The following CRB1 variants were observed in gnomAD, a reference collection of about 807,000 sequenced individuals.
The protein encoded by CRB1 is protein crumbs homolog 1.
In CRB1, 83 loss-of-function variants were observed where a neutral mutation model predicts 120.0. The observed-to-expected ratio is 0.69, with a 90% CI of 0.58 to 0.83. The LOEUF is 0.83. CRB1 is among the 40% of genes least tolerant of loss of function. CRB1 has a pLI of 0.00. For synonymous variants in CRB1, 625 were observed against 612.5 expected, an observed-to-expected ratio of 1.02 and a Z score of -0.30; for missense variants, 1,699 against 1,687.6, an observed-to-expected ratio of 1.01 and a Z score of -0.12.
At chr1:197,413,519 G>C (rs1241165296) in intron 5 of CRB1, among the ~76,000 whole-genome samples, 1 of 152,126 alleles carries the variant, frequency 6.6e-6, no homozygotes, top group South Asian at 2.1e-4. Context: ...AACAAAAACA[G>C]CATTTCCTTT....
intron 1 of CRB1, among the ~76,000 whole-genome samples, chr1:197,297,022 A>C (rs779305453): frequency 6.6e-5 from 10 of 151,876 alleles, no homozygotes; most frequent in Non-Finnish European, 1.0e-4. Flanking sequence ...TCCTTGATTG[A>C]CTTCCTCTCT....
chr1:197,228,844 A>G, the CRB1 span, among the ~76,000 whole-genome samples: 1 of 152,222 alleles, frequency 6.6e-6, no homozygotes, highest in African/African-American at 2.4e-5. Flanking sequence ...AGGCCTCAGA[A>G]TCATGGCGAG....
At chr1:197,477,179 T>A (rs1336303033) in intron 11 of CRB1, among the ~76,000 whole-genome samples, 4 of 152,188 alleles carry the variant, frequency 2.6e-5, no homozygotes, top group Non-Finnish European at 5.9e-5. Context: ...CTCCTCTGTG[T>A]CAAGAATTTT....
At position 197,421,397 on chromosome 1, in the gene CRB1, A is replaced by G; in HGVS notation, c.1569A>G (p.Leu523=). ...AGACTGTTCAGCCAATGGCTCTTCT[A>G]CTTTTCCGAAGCAACAGGGATGTGT... ...RFQTVQPMAL[L]LFRSNRDVFV... Residue 523 remains leucine, a synonymous_variant, in exon 6 of 12, where the codon CTA becomes CTG. Coordinates refer to ENST00000367400, the MANE Select transcript of CRB1 (RefSeq NM_201253.3). 6.2e-7 allele frequency: 1 copy of G among 1,614,174 alleles called. No homozygotes were observed. The highest frequency in any genetic ancestry group is 8.5e-7 in the Non-Finnish European group (1 of 1,180,040).
intron 10 of CRB1, chr1:197,441,659 C>CTTTTTTTTTTTTTTTTTTTTTTTT (rs5779872): frequency 5.9e-5 from 4 of 68,214 alleles, no homozygotes; most frequent in African/African-American, 1.7e-4. Context: ...TTCCCTCCTT[C>CTTTTTTTTTTTTTTTTTTTTTTTT]TTTTTTTTTT....
chr1:197,357,319 T>C (rs1443177294), intron 5 of CRB1: 1 of 416,862 alleles, frequency 2.4e-6, no homozygotes, highest in Non-Finnish European at 4.4e-6. Flanking sequence ...GAAATTTTTA[T>C]GCTATCAAAT....
intron 5 of CRB1, among the ~76,000 whole-genome samples, chr1:197,408,145 C>G (rs573840952): frequency 1.2e-4 from 18 of 152,058 alleles, no homozygotes; most frequent in Non-Finnish European, 2.2e-4. Context: ...ATACAATGTA[C>G]TCTGTGCTGG....
intron 5 of CRB1, among the ~76,000 whole-genome samples, chr1:197,360,014 C>A (rs1660691368): frequency 6.6e-6 from 1 of 151,884 alleles, no homozygotes; most frequent in Non-Finnish European, 1.5e-5. Context: ...GAGGTTATAC[C>A]TAAGTATTTC....
intron 1 of CRB1, 132 bp downstream of exon 1, chr1:197,268,614 T>C: frequency 1.4e-6 from 1 of 700,446 alleles, no homozygotes; most frequent in East Asian, 2.7e-5. Context: ...TGTTTTTTTT[T>C]TAAGTGTCCT....
chr1:197,477,131 C>CT (rs1429097057), intron 11 of CRB1, among the ~76,000 whole-genome samples: 2 of 152,190 alleles, frequency 1.3e-5, no homozygotes, highest in Non-Finnish European at 2.9e-5. Flanking sequence ...AGAGTGATTC[C>CT]TTTGGAAACC....
At chr1:197,399,077 T>G (rs1382039053) in intron 5 of CRB1, among the ~76,000 whole-genome samples, 1 of 152,162 alleles carries the variant, frequency 6.6e-6, no homozygotes, top group Non-Finnish European at 1.5e-5. Context: ...TCTTCATCTG[T>G]TATTTCCAAT....
chr1:197,358,859 T>C (rs556223151), intron 5 of CRB1, among the ~76,000 whole-genome samples: 4 of 152,278 alleles, frequency 2.6e-5, no homozygotes, highest in African/African-American at 9.6e-5. Flanking sequence ...ATCTAGTCTT[T>C]CTGTGTACCT....
chr1:197,307,420 G>A (rs2125264916), intron 1 of CRB1, among the ~76,000 whole-genome samples: 1 of 152,292 alleles, frequency 6.6e-6, no homozygotes, highest in East Asian at 1.9e-4. Context: ...TTGCCAAACA[G>A]CATGCAAAGG....
intron 1 of CRB1, among the ~76,000 whole-genome samples, chr1:197,325,145 C>T (rs1658421526): frequency 6.6e-6 from 1 of 152,142 alleles, no homozygotes; most frequent in Non-Finnish European, 1.5e-5. Flanking sequence ...ACTGCCTTAC[C>T]ATGTGCAAGC....
chr1:197,265,514 C>T (rs1015060349), upstream of CRB1, among the ~76,000 whole-genome samples: 1 of 151,842 alleles, frequency 6.6e-6, no homozygotes, highest in Admixed American at 6.6e-5. Flanking sequence ...TACTTTATTG[C>T]TGTTGAGCTC....
At chr1:197,368,866 A>T (rs1661218738) in intron 5 of CRB1, among the ~76,000 whole-genome samples, 1 of 152,228 alleles carries the variant, frequency 6.6e-6, no homozygotes, top group Non-Finnish European at 1.5e-5. Context: ...TAAAGTCTTG[A>T]GGTGCTGTCC....
rs1288301647 is a variant in CRB1, at chr1:197,469,100, A to G, written c.4006-8564A>G. On this transcript the variant is annotated intron_variant, in intron 11 of 11. Coordinates refer to ENST00000367400, the MANE Select transcript of CRB1 (RefSeq NM_201253.3). ...TTGGGTGGAGTGGCGCACGCCTGTA[A>G]TCCTAGCACTTTGGGAAGCCAAGGT... is the stretch of plus-strand genomic sequence containing the variant. Among the ~76,000 whole-genome samples, 7 of 152,112 alleles carry G rather than the reference A, an allele frequency of 4.6e-5. No homozygotes were observed. In the East Asian group the frequency reaches 7.7e-4, roughly 17 times the overall value.
At chr1:197,432,804 AG>A (rs1422146878) in intron 8 of CRB1, among the ~76,000 whole-genome samples, 1 of 152,114 alleles carries the variant, frequency 6.6e-6, no homozygotes, top group African/African-American at 2.4e-5. Context: ...GTCAGGGAAA[AG>A]CTTCTCAGAG....
intron 6 of CRB1, among the ~76,000 whole-genome samples, chr1:197,422,459 C>T (rs755422850): frequency 1.9e-4 from 28 of 150,700 alleles, no homozygotes; most frequent in Admixed American, 1.4e-3. Flanking sequence ...TTAAGCATAG[C>T]GTTTTTATAA....
Sources: allele counts gnomAD v4.1 joint callset (sites outside exome capture counted in the v4.1 genomes callset), GRCh38; gene constraint gnomAD v4.1.1; transcripts MANE v1.5; gene names NCBI Gene and HGNC (gene_info 2026-07-23, HGNC 2026-07-21).